Variants in MALT1 observed in about 807,000 individuals in gnomAD.
MALT1 encodes mucosa-associated lymphoid tissue lymphoma translocation protein 1.
Under a neutral mutation model 85.5 loss-of-function variants are expected in MALT1, and 36 were observed. The ratio of observed to expected loss-of-function variants is 0.42; its 90% CI spans 0.32 to 0.56. MALT1 has a LOEUF of 0.56. MALT1 is among the 20% of genes least tolerant of loss of function. The pLI is 0.10. For synonymous variants in MALT1, 359 were observed against 361.3 expected, an observed-to-expected ratio of 0.99 and a Z score of 0.07; for missense variants, 716 against 981.6, an observed-to-expected ratio of 0.73 and a Z score of 3.62.
chr18:58,680,785 C>T (rs1484803501), intron 1 of MALT1, among the ~76,000 whole-genome samples: 6 of 151,574 alleles, frequency 4.0e-5, no homozygotes, highest in Non-Finnish European at 7.4e-5. Flanking sequence ...TAGCCGGGCG[C>T]GGTGGCGGGC....
At chr18:58,735,176 G>T (rs1305104444) in intron 12 of MALT1, 26 bp from the exon 13 acceptor site, 1 of 1,592,338 alleles carries the variant, frequency 6.3e-7, no homozygotes, top group Non-Finnish European at 8.5e-7. Context: ...TCTGTGCCTG[G>T]CTTAACTTCT....
At chr18:58,708,461 A>G (rs1221774929) in intron 4 of MALT1, among the ~76,000 whole-genome samples, 1 of 152,196 alleles carries the variant, frequency 6.6e-6, no homozygotes, top group African/African-American at 2.4e-5. Flanking sequence ...GCCAGCTCAC[A>G]GTCTGCCTTT....
chr18:58,732,707 C>G (rs1257306541), intron 10 of MALT1, among the ~76,000 whole-genome samples: 1 of 149,318 alleles, frequency 6.7e-6, no homozygotes, highest in Non-Finnish European at 1.5e-5. Flanking sequence ...TCTGCCCTAA[C>G]AGAACTCCTA....
intron 3 of MALT1, 66 bp from the exon 4 acceptor site, chr18:58,700,375 G>A: frequency 1.6e-6 from 2 of 1,259,704 alleles, no homozygotes; most frequent in Non-Finnish European, 2.2e-6. Context: ...CATAGATTTT[G>A]TACAGCATAT....
At position 58,714,110 on chromosome 18, in the gene MALT1, G is replaced by T. The variant is rs1239958625; in HGVS notation, c.985+1G>T. The T allele has an allele frequency of 7.9e-7, 1 of 1,263,414 alleles. No individual in the cohort carries two copies. The allele number at this position is 1,263,414 out of a possible 1,614,324, so 78.3% of individuals were successfully genotyped here. A position where few individuals can be genotyped will look rare whatever the true frequency, so the allele number is the denominator to read the frequency against. On this transcript the variant is annotated splice_donor_variant, in intron 8 of 16. Transcript: ENST00000649217. LOFTEE classifies it high-confidence loss of function. Reference sequence around the variant, plus strand: ...GAATTAAATAATCTTGGTCATCCTGGTGAGTAATACAAACATAAAACTTTA... The same window carrying T: ...GAATTAAATAATCTTGGTCATCCTGTTGAGTAATACAAACATAAAACTTTA...
Position 58,744,426 on chromosome 18 carries a change from C to T in MALT1, c.1842C>T (p.Ile614=), listed in dbSNP as rs200797650. 8 of 1,608,468 alleles carry T rather than the reference C, an allele frequency of 5.0e-6. No individual in the cohort carries two copies. Among genetic ancestry groups the T allele is most frequent in the Non-Finnish European group, 6.8e-6 (8 of 1,175,952 alleles). Residue 614 remains isoleucine (I), a synonymous_variant, in exon 15 of 17, where the codon ATC becomes ATT. Transcript: ENST00000649217. The stretch of plus-strand genomic sequence containing the variant: ...CTGAGTTTTCCAATGTCATGATCAT[C>T]TATACAAGTATAGTTTACAAACCAC... ...FAAEFSNVMI[I]YTSIVYKPPE...
At chr18:58,703,119 G>C (rs749263300) in intron 4 of MALT1, among the ~76,000 whole-genome samples, 1 of 152,174 alleles carries the variant, frequency 6.6e-6, no homozygotes, top group Non-Finnish European at 1.5e-5. Context: ...AGCACTTTGG[G>C]AGGCCGAGGC....
intron 2 of MALT1, chr18:58,692,028 A>G (rs894529148): frequency 1.2e-4 from 15 of 124,890 alleles, no homozygotes; most frequent in African/African-American, 4.6e-4. Context: ...TGGGCGACGG[A>G]GCGAGACTCC....
At chr18:58,676,446 T>C (rs549864762) in intron 1 of MALT1, among the ~76,000 whole-genome samples, 2 of 152,314 alleles carry the variant, frequency 1.3e-5, no homozygotes, top group South Asian at 4.1e-4. Flanking sequence ...CAACCTGATA[T>C]CTTCTTGTCT....
chr18:58,671,485 G>A lies in MALT1; in HGVS notation c.-159G>A. On this transcript the variant is annotated 5_prime_UTR_variant, in exon 1 of 17. Coordinates refer to ENST00000649217, the MANE Select transcript of MALT1 (RefSeq NM_006785.4). ...TCGGCAAACCTGTCTAATTGGGGCGGGGAGCGGAGCTTCCTCCTCTGAGGG... is the reference window on the plus strand; with the variant it reads ...TCGGCAAACCTGTCTAATTGGGGCGAGGAGCGGAGCTTCCTCCTCTGAGGG... 2.3e-6 allele frequency: 1 copy of A among 432,400 alleles called. No homozygotes were observed. The highest frequency in any genetic ancestry group is 3.7e-6 in the Non-Finnish European group (1 of 266,940). 26.8% of individuals were successfully genotyped at this position (432,400 alleles called of 1,614,324 possible).
chr18:58,744,047 C>G (rs554083239), intron 14 of MALT1, among the ~76,000 whole-genome samples: 8,118 of 152,020 alleles, frequency 0.053, 346 homozygotes, highest in East Asian at 0.22. Flanking sequence ...ATTAAAAATT[C>G]TGGTCATATA....
intron 10 of MALT1, among the ~76,000 whole-genome samples, chr18:58,730,785 C>T (rs750105849): frequency 1.2e-4 from 18 of 152,316 alleles, no homozygotes; most frequent in African/African-American, 2.6e-4. Flanking sequence ...TGCATCCTTG[C>T]CAACACTTGT....
intron 9 of MALT1, among the ~76,000 whole-genome samples, chr18:58,718,604 G>T (rs1210050340): frequency 2.0e-5 from 3 of 152,176 alleles, no homozygotes; most frequent in Non-Finnish European, 4.4e-5. Context: ...TGGAAAAATT[G>T]TCTTCCACAA....
intron 9 of MALT1, among the ~76,000 whole-genome samples, chr18:58,721,603 G>GT (rs1416044489): frequency 6.6e-6 from 1 of 151,906 alleles, no homozygotes; most frequent in Non-Finnish European, 1.5e-5. Flanking sequence ...ACAAAGTAGA[G>GT]TTTTTTTTAT....
At chr18:58,731,795 TG>T in intron 10 of MALT1, among the ~76,000 whole-genome samples, 1 of 152,078 alleles carries the variant, frequency 6.6e-6, no homozygotes, top group African/African-American at 2.4e-5. Flanking sequence ...AATTCATGTA[TG>T]GAGATACATG....
chr18:58,749,281 G>C lies in MALT1; in HGVS notation c.*1439G>C, dbSNP rs1231222992. ...TTTATCTCACACACATTATGAGCTT[G>C]AATTCTTAATTCATCCTAGCAAATT... On this transcript the variant is annotated 3_prime_UTR_variant, in exon 17 of 17. Transcript: ENST00000649217. The C allele has an allele frequency of 7.4e-5, 16 of 216,706 alleles. No individual in the cohort carries two copies. The East Asian group carries it at 1.1e-3, about 15-fold the overall frequency. The allele number at this position is 216,706 out of a possible 1,614,324, so 13.4% of individuals were successfully genotyped here.
At chr18:58,688,313 C>T (rs529769532) in intron 2 of MALT1, among the ~76,000 whole-genome samples, 1 of 140,428 alleles carries the variant, frequency 7.1e-6, no homozygotes, top group East Asian at 2.3e-4. Flanking sequence ...CACACACACA[C>T]ACACACACAC....
At chr18:58,729,675 T>C (rs2055119412) in intron 10 of MALT1, among the ~76,000 whole-genome samples, 1 of 152,178 alleles carries the variant, frequency 6.6e-6, no homozygotes, top group African/African-American at 2.4e-5. Flanking sequence ...AATTAGATTG[T>C]GTATATGAAA....
intron 4 of MALT1, among the ~76,000 whole-genome samples, chr18:58,702,405 T>C (rs1420419625): frequency 1.3e-5 from 2 of 151,862 alleles, no homozygotes; most frequent in African/African-American, 4.8e-5. Context: ...AAAAGAAACA[T>C]TGTGAAACTA....
Sources: allele counts gnomAD v4.1 joint callset (sites outside exome capture counted in the v4.1 genomes callset), GRCh38; gene constraint gnomAD v4.1.1; transcripts MANE v1.5; gene names NCBI Gene and HGNC (gene_info 2026-07-23, HGNC 2026-07-21).